CUX1: variants seen among roughly 807,000 people sequenced by gnomAD.
CUX1 encodes the protein cut like homeobox 1.
In CUX1, 31 loss-of-function variants were observed where a neutral mutation model predicts 158.8. The ratio of observed to expected loss-of-function variants is 0.20; its 90% CI spans 0.15 to 0.26. CUX1 has a LOEUF of 0.26. Among genes scored for constraint, CUX1 ranks in the 10% least tolerant of loss-of-function variants. CUX1 has a pLI of 1.00. For missense variants in CUX1, 1,589 were observed against 2,014.6 expected (o/e 0.79, Z 4.04); for synonymous variants, 879 against 862.1 (o/e 1.02, Z -0.34).
At position 102,268,374 on chromosome 7, in the gene CUX1, G is replaced by A. The variant is rs930297766; in HGVS notation, c.1256-4992G>A. Among the ~76,000 whole-genome samples, 3 of 152,036 alleles carry A rather than the reference G, an allele frequency of 2.0e-5. No individual in the cohort carries two copies. In the East Asian group the frequency reaches 5.8e-4, roughly 29 times the overall value. On this transcript the variant is annotated intron_variant, in intron 14 of 22. Coordinates refer to the CUX1 transcript ENST00000292538. ...GACGACAACACCTTCGCCTCGCTCAGCCTCTCTGTAGCTTCTGACCCCCTG... is the reference window on the plus strand; with the variant it reads ...GACGACAACACCTTCGCCTCGCTCAACCTCTCTGTAGCTTCTGACCCCCTG...
chr7:101,852,743 C>A (rs192964489), intron 1 of CUX1, among the ~76,000 whole-genome samples: 1 of 115,740 alleles, frequency 8.6e-6, no homozygotes, highest in Non-Finnish European at 1.6e-5. Flanking sequence ...ATGGAGTGAT[C>A]TTGGTTCACT....
chr7:102,248,221 A>T lies in CUX1; in HGVS notation c.3888-191A>T, dbSNP rs1306111658. Among the ~76,000 whole-genome samples, 1 of 152,180 alleles carries T rather than the reference A, an allele frequency of 6.6e-6. No homozygotes were observed. The highest frequency in any genetic ancestry group is 1.5e-5 in the Non-Finnish European group (1 of 68,024). On this transcript the variant is annotated intron_variant, in intron 23 of 23. Coordinates refer to ENST00000292535, the MANE Select transcript of CUX1 (RefSeq NM_181552.4). The surrounding 1 kb of genome is among the most constrained non-coding windows in gnomAD (Gnocchi z 5.8). ...CCCAGCCCTGGGATGGCTCCTGGCC[A>T]GGCCCGGAGGGGTGGGTGGTGACTC...
At chr7:102,012,578 T>C (rs2129299079) in intron 2 of CUX1, among the ~76,000 whole-genome samples, 1 of 152,290 alleles carries the variant, frequency 6.6e-6, no homozygotes, top group African/African-American at 2.4e-5. Flanking sequence ...CTAGTCACTC[T>C]ACTTTTCCCA....
chr7:102,138,964 G>A lies in CUX1; in HGVS notation c.675-19596G>A, dbSNP rs17135047. 5.0e-3 allele frequency among the ~76,000 whole-genome samples: 759 copies of A among 152,224 alleles called. 2 individuals are homozygous for A. The highest frequency in any genetic ancestry group is 0.016 in the African/African-American group (676 of 41,536). Reference sequence around the variant, plus strand: ...CTAAACTTAGAAATGTATCAGCTTGGCCGGGCATTGTGGGTCACACCTCTA... The same window carrying A: ...CTAAACTTAGAAATGTATCAGCTTGACCGGGCATTGTGGGTCACACCTCTA... On this transcript the variant is annotated intron_variant, in intron 8 of 23. Coordinates refer to ENST00000292535, the MANE Select transcript of CUX1 (RefSeq NM_181552.4).
intron 1 of CUX1, among the ~76,000 whole-genome samples, chr7:101,851,392 T>C (rs566963779): frequency 7.9e-5 from 12 of 152,092 alleles, no homozygotes; most frequent in African/African-American, 2.9e-4. Flanking sequence ...CTCGGGGGCT[T>C]CCTCCCATCT....
chr7:102,264,549 T>C (rs1234405689), intron 14 of CUX1, among the ~76,000 whole-genome samples: 1 of 152,138 alleles, frequency 6.6e-6, no homozygotes, highest in East Asian at 1.9e-4. Flanking sequence ...CTTTGTTTTT[T>C]ACTCTGAGTC....
intron 6 of CUX1, among the ~76,000 whole-genome samples, chr7:102,109,629 C>T (rs1299690291): frequency 6.6e-6 from 1 of 151,756 alleles, no homozygotes. Context: ...ACTAAAAATA[C>T]AAAAAACAGC....
In CUX1 at chr7:101,957,667, A is replaced by G. The variant is rs528248490; in HGVS notation, c.141+41442A>G. ...TTTGAACCTGGGAGGTGGAGGTTGC[A>G]GTGAGCTGAGATCACGCCACTGCAC... On this transcript the variant is annotated intron_variant, in intron 2 of 23. Transcript: ENST00000292535. Among the ~76,000 whole-genome samples the G allele has an allele frequency of 1.6e-4, 24 of 152,316 alleles. No homozygotes were observed. In the South Asian group the frequency reaches 5.0e-3, roughly 32 times the overall value.
chr7:102,121,482 A>C (rs1157996187), intron 8 of CUX1, among the ~76,000 whole-genome samples: 1 of 152,000 alleles, frequency 6.6e-6, no homozygotes, highest in Non-Finnish European at 1.5e-5. Context: ...AGTAACTGGA[A>C]TTGCAGGCAT....
chr7:102,106,513 C>T (rs116580226), intron 6 of CUX1, among the ~76,000 whole-genome samples: 130 of 152,278 alleles, frequency 8.5e-4, no homozygotes, highest in African/African-American at 3.0e-3. Flanking sequence ...TTCTATAAAA[C>T]ATGCCCACCA....
rs782035082 is a variant in CUX1, at chr7:102,280,092, T to C, written c.1736T>C (p.Leu579Pro). 1.9e-6 allele frequency: 3 copies of C among 1,610,764 alleles called. No homozygotes were observed. The South Asian group carries it at 3.3e-5, about 18-fold the overall frequency. ...TACTCGTCCCAGTACGAGGAGCGCC[T>C]GGACCCCTTCTCCTCCTTCAGCAAG... The change falls in exon 19 of 23, where the codon CTG becomes CCG. Residue 579 changes from leucine to proline, a missense_variant. Physicochemically the swap from Leu to Pro is moderately conservative, Grantham distance 98. Coordinates refer to the CUX1 transcript ENST00000292538.
Position 101,995,116 on chromosome 7 carries a change from A to G in CUX1, c.142-32982A>G, listed in dbSNP as rs150763792. Among the ~76,000 whole-genome samples, 316 of 152,160 alleles carry G rather than the reference A, an allele frequency of 2.1e-3. 1 individual carries two copies. Among genetic ancestry groups the G allele is most frequent in the African/African-American group, 7.2e-3 (298 of 41,522 alleles). The stretch of plus-strand genomic sequence containing the variant: ...TCTCAAAATTAAAAGAGAGAGAGAA[A>G]CAAACATGGCAGCTCAGAAACCTGG... On this transcript the variant is annotated intron_variant, in intron 2 of 23. Coordinates refer to ENST00000292535, the MANE Select transcript of CUX1 (RefSeq NM_181552.4).
chr7:102,259,821 T>C (rs1385402829), downstream of CUX1, among the ~76,000 whole-genome samples: 1 of 151,336 alleles, frequency 6.6e-6, no homozygotes, highest in Admixed American at 6.6e-5. Context: ...CAGTGGCTCA[T>C]TCCTGTAACT....
At chr7:101,894,455 C>T (rs1316178082) in intron 1 of CUX1, among the ~76,000 whole-genome samples, 2 of 152,132 alleles carry the variant, frequency 1.3e-5, no homozygotes, top group African/African-American at 2.4e-5. Context: ...GGATTACAGG[C>T]GCCCACCACC....
chr7:101,896,987 CCT>C (rs1446710831), intron 1 of CUX1, among the ~76,000 whole-genome samples: 1 of 152,220 alleles, frequency 6.6e-6, no homozygotes, highest in African/African-American at 2.4e-5. Flanking sequence ...CAGTGGCCCC[CCT>C]GAGCCTATCT....
chr7:102,237,531 C>T (rs1554533331), intron 22 of CUX1, among the ~76,000 whole-genome samples: 1 of 152,186 alleles, frequency 6.6e-6, no homozygotes, highest in Non-Finnish European at 1.5e-5. Flanking sequence ...ATCCTCCCAT[C>T]TCAGCTTCCC....
chr7:102,071,447 C>A (rs1234704161), intron 4 of CUX1, among the ~76,000 whole-genome samples: 1 of 152,090 alleles, frequency 6.6e-6, no homozygotes, highest in Non-Finnish European at 1.5e-5. Context: ...ATGGACATAA[C>A]TATGTGGGGC....
chr7:101,856,989 C>T (rs1796917237), intron 1 of CUX1, among the ~76,000 whole-genome samples: 1 of 152,242 alleles, frequency 6.6e-6, no homozygotes, highest in African/African-American at 2.4e-5. Flanking sequence ...CCCTCCCTCT[C>T]CCATCCTTCA....
rs181185113 is a variant in CUX1, at chr7:102,160,136, G to A, written c.723+1528G>A. ...GCAGAGGTTGCAGTGAACCAATCATGCCACCATACTCCAGCTTGGATGACA... is the reference window on the plus strand; with the variant it reads ...GCAGAGGTTGCAGTGAACCAATCATACCACCATACTCCAGCTTGGATGACA... On this transcript the variant is annotated intron_variant, in intron 9 of 23. Coordinates refer to ENST00000292535, the MANE Select transcript of CUX1 (RefSeq NM_181552.4). 3.7e-3 allele frequency among the ~76,000 whole-genome samples: 562 copies of A among 151,362 alleles called. 2 individuals are homozygous for A. Among genetic ancestry groups the A allele is most frequent in the African/African-American group, 0.013 (545 of 41,134 alleles).
Sources: allele counts gnomAD v4.1 joint callset (sites outside exome capture counted in the v4.1 genomes callset), GRCh38; gene constraint gnomAD v4.1.1; non-coding constraint Gnocchi (gnomAD v3.1); transcripts MANE v1.5; gene names NCBI Gene and HGNC (gene_info 2026-07-23, HGNC 2026-07-21).